Variants in CCDC33 observed in about 807,000 individuals in gnomAD.
CCDC33 encodes the protein coiled-coil domain-containing protein 33.
Under a neutral mutation model 91.9 loss-of-function variants are expected in CCDC33, and 94 were observed. The observed-to-expected ratio is 1.02, with a 90% confidence interval of 0.87 to 1.21. CCDC33 has a LOEUF of 1.21. CCDC33 is among the 50% of genes most tolerant of loss of function. The pLI is 0.00. For missense variants in CCDC33, 940 were observed against 935.5 expected (o/e 1.00, Z -0.06); for synonymous variants, 396 against 374.5 (o/e 1.06, Z -0.66).
At chr15:74,238,530 T>C (rs942827623) in intron 1 of CCDC33, among the ~76,000 whole-genome samples, 1 of 152,218 alleles carries the variant, frequency 6.6e-6, no homozygotes, top group Non-Finnish European at 1.5e-5. Context: ...TCAGTGCTCT[T>C]TGTATACTAG....
At chr15:74,260,506 G>A (rs1344605060) in intron 2 of CCDC33, among the ~76,000 whole-genome samples, 1 of 152,220 alleles carries the variant, frequency 6.6e-6, no homozygotes, top group African/African-American at 2.4e-5. Flanking sequence ...TATCACAAAT[G>A]AGGGAATAAC....
chr15:74,219,155 C>T (rs1357985497), intron 2 of CCDC33, among the ~76,000 whole-genome samples: 9 of 152,218 alleles, frequency 5.9e-5, no homozygotes, highest in Admixed American at 3.9e-4. Flanking sequence ...TTCCCAACCT[C>T]GTTCTCACCA....
intron 10 of CCDC33, among the ~76,000 whole-genome samples, chr15:74,288,959 A>G (rs1193912488): frequency 5.3e-5 from 8 of 152,184 alleles, no homozygotes; most frequent in African/African-American, 1.9e-4. Flanking sequence ...TGTGCAGGTA[A>G]CCTAGCACAG....
At chr15:74,238,426 AG>A (rs2075247987) in intron 1 of CCDC33, among the ~76,000 whole-genome samples, 1 of 150,816 alleles carries the variant, frequency 6.6e-6, no homozygotes, top group African/African-American at 2.4e-5. Context: ...AAAAAAAAAA[AG>A]GATGCTCATC....
chr15:74,280,543 T>C, intron 8 of CCDC33, 125 bp from the exon 9 acceptor site: 1 of 1,092,574 alleles, frequency 9.2e-7, no homozygotes, highest in Non-Finnish European at 1.3e-6. Context: ...AGGATGTATG[T>C]GCAGGGAAAG....
intron 1 of CCDC33, among the ~76,000 whole-genome samples, chr15:74,239,816 A>G (rs2075289079): frequency 1.1e-5 from 1 of 87,306 alleles, no homozygotes; most frequent in African/African-American, 4.8e-5. Flanking sequence ...GAGTTTGTGC[A>G]AACTGAGAGT....
intron 7 of CCDC33, 53 bp from the exon 8 acceptor site, chr15:74,279,910 T>G (rs577579152): frequency 1.3e-6 from 2 of 1,582,962 alleles, no homozygotes; most frequent in Admixed American, 3.8e-5. Context: ...GTGTATGCCT[T>G]GATTTGGGAG....
intron 10 of CCDC33, among the ~76,000 whole-genome samples, chr15:74,283,156 G>T (rs777414419): frequency 1.1e-4 from 16 of 152,196 alleles, no homozygotes; most frequent in Non-Finnish European, 2.2e-4. Flanking sequence ...TGCTATAGGT[G>T]TTCAGGATTG....
intron 2 of CCDC33, among the ~76,000 whole-genome samples, chr15:74,222,043 CA>C (rs1351193372): frequency 5.9e-5 from 9 of 152,020 alleles, no homozygotes; most frequent in Non-Finnish European, 1.3e-4. Context: ...CCAAAGCCGG[CA>C]AAAAGGCCAT....
chr15:74,208,731 A>G (rs2142117300), intron 1 of CCDC33: 2 of 987,580 alleles, frequency 2.0e-6, no homozygotes, highest in Non-Finnish European at 1.2e-6. Flanking sequence ...CGCACACCCC[A>G]TGTGCCTTCT....
At position 74,244,169 on chromosome 15, in the gene CCDC33, G is replaced by C. The variant is rs760567295; in HGVS notation, c.185+21G>C. 6.3e-7 allele frequency: 1 copy of C among 1,597,836 alleles called. No homozygotes were observed. The highest frequency in any genetic ancestry group is 8.5e-7 in the Non-Finnish European group (1 of 1,169,938). ...GTGGTGTAAGTAGCTGCGTGAGAGT[G>C]GGGGCAGGGGATGGGTTGGGCTGTG... On this transcript the variant is annotated intron_variant, in intron 2 of 18. Transcript: ENST00000398814. The surrounding 1 kb of genome is among the most constrained non-coding windows in gnomAD (Gnocchi z 4.2).
upstream of CCDC33, chr15:74,212,905 A>C (rs1271673787): frequency 6.6e-6 from 1 of 152,102 alleles, no homozygotes; most frequent in African/African-American, 2.4e-5. Context: ...CTGTGTAAAA[A>C]CTGGCCACAA....
At chr15:74,247,238 C>T (rs1268864186) in intron 2 of CCDC33, among the ~76,000 whole-genome samples, 5 of 152,010 alleles carry the variant, frequency 3.3e-5, no homozygotes, top group Non-Finnish European at 7.4e-5. Context: ...GAGGCTGAGG[C>T]AGGTGGATCA....
In CCDC33 at chr15:74,336,010, C is replaced by T. The variant is rs1399085904; in HGVS notation, c.2225C>T (p.Pro742Leu). ...AGCTCAGACTCTAAGCTCAACAAGC[C>T]CTTGAGCCCCCAGAAGGAGACCGCT... The part of the protein sequence containing the change: ...LPSSDSKLNK[P>L]LSPQKETANS... The change falls in exon 19 of 19, where the codon CCC (proline) becomes CTC (leucine). Residue 742 changes from proline (P) to leucine (L), a missense_variant. Transcript: ENST00000398814. 6 of 1,613,992 alleles carry T rather than the reference C, an allele frequency of 3.7e-6. No homozygotes were observed. Among genetic ancestry groups the T allele is most frequent in the Non-Finnish European group, 5.1e-6 (6 of 1,179,998 alleles).
intron 11 of CCDC33, among the ~76,000 whole-genome samples, chr15:74,308,510 G>A (rs1002423278): frequency 1.3e-5 from 2 of 152,202 alleles, no homozygotes; most frequent in Admixed American, 1.3e-4. Context: ...TCCTTAGGGC[G>A]GAGTCGAGGG....
chr15:74,275,967 C>G (rs894954255), intron 7 of CCDC33, among the ~76,000 whole-genome samples: 1 of 152,230 alleles, frequency 6.6e-6, no homozygotes, highest in Non-Finnish European at 1.5e-5. Flanking sequence ...CCGCACCCAG[C>G]AGCACCCTCT....
At chr15:74,278,357 G>A (rs981525992) in intron 7 of CCDC33, among the ~76,000 whole-genome samples, 12 of 152,334 alleles carry the variant, frequency 7.9e-5, no homozygotes, top group Admixed American at 4.6e-4. Flanking sequence ...TGACCTTTTC[G>A]AGCAATGACT....
intron 3 of CCDC33, among the ~76,000 whole-genome samples, chr15:74,265,343 T>G (rs1033191966): frequency 2.0e-5 from 3 of 152,222 alleles, no homozygotes; most frequent in African/African-American, 7.2e-5. Flanking sequence ...TTCTCTGTTT[T>G]GTATCCTTTC....
At chr15:74,204,065 C>G (rs537706342) in intron 1 of CCDC33, among the ~76,000 whole-genome samples, 6 of 152,354 alleles carry the variant, frequency 3.9e-5, no homozygotes, top group African/African-American at 1.4e-4. Context: ...GTTCCTCCCC[C>G]TTCTTCCCAA....
Sources: gnomAD v4.1 joint callset for allele counts (sites outside exome capture counted in the v4.1 genomes callset) on GRCh38, gnomAD v4.1.1 for gene constraint, Gnocchi (gnomAD v3.1) non-coding constraint, MANE v1.5 for transcripts, NCBI Gene and HGNC (gene_info 2026-07-23, HGNC 2026-07-21) for gene names.